Variants in ZNF346 observed in about 807,000 individuals in gnomAD.
The protein encoded by ZNF346 is zinc finger protein 346.
Under a neutral mutation model 33.7 loss-of-function variants are expected in ZNF346, and 23 were observed. The ratio of observed to expected loss-of-function variants is 0.68; its 90% CI spans 0.49 to 0.97. The LOEUF is 0.97. ZNF346 is among the 50% of genes least tolerant of loss of function. The pLI is 0.00. For synonymous variants in ZNF346, 134 were observed against 142.4 expected, an observed-to-expected ratio of 0.94 and a Z score of 0.42; for missense variants, 340 against 371.1, an observed-to-expected ratio of 0.92 and a Z score of 0.69.
At chr5:177,069,724 T>TCTCA (rs143462050), downstream of ZNF346, among the ~76,000 whole-genome samples, 21,512 of 150,560 alleles carry the variant, frequency 0.14, 3,250 homozygotes, top group African/African-American at 0.38. Context: ...AGAGATGGAG[T>TCTCA]CTCTGTTGCC....
intron 1 of ZNF346, among the ~76,000 whole-genome samples, chr5:177,025,174 C>CAA (rs1776583303): frequency 6.6e-6 from 1 of 152,196 alleles, no homozygotes; most frequent in East Asian, 1.9e-4. Flanking sequence ...CTTGGGTAGT[C>CAA]TTTTGAGTTT....
intron 5 of ZNF346, among the ~76,000 whole-genome samples, chr5:177,056,987 T>C (rs1781772499): frequency 6.6e-6 from 1 of 152,232 alleles, no homozygotes; most frequent in Non-Finnish European, 1.5e-5. Context: ...TTATTTCAAG[T>C]TTTTAAATAC....
intron 5 of ZNF346, among the ~76,000 whole-genome samples, chr5:177,057,547 G>A (rs939032756): frequency 6.6e-5 from 10 of 151,854 alleles, no homozygotes; most frequent in African/African-American, 2.4e-4. Context: ...CACCAGCCTG[G>A]TCAACATGCA....
chr5:177,030,645 C>T (rs1777546274), intron 1 of ZNF346, among the ~76,000 whole-genome samples: 1 of 151,912 alleles, frequency 6.6e-6, no homozygotes, highest in Non-Finnish European at 1.5e-5. Flanking sequence ...ACGTAAATCT[C>T]ACATTCCATA....
intron 1 of ZNF346, among the ~76,000 whole-genome samples, chr5:177,031,961 A>C (rs1777762005): frequency 7.0e-6 from 1 of 142,124 alleles, no homozygotes; most frequent in African/African-American, 2.6e-5. Flanking sequence ...GATCATCAGT[A>C]CCCTTACATT....
At chr5:177,045,998 T>C (rs1225077516) in intron 4 of ZNF346, among the ~76,000 whole-genome samples, 2 of 151,996 alleles carry the variant, frequency 1.3e-5, no homozygotes, top group Non-Finnish European at 2.9e-5. Flanking sequence ...TAATGTGTAT[T>C]AAAAACACAG....
At chr5:177,030,476 G>A (rs113516381) in intron 1 of ZNF346, among the ~76,000 whole-genome samples, 6,669 of 151,944 alleles carry the variant, frequency 0.044, 206 homozygotes, top group South Asian at 0.063. Context: ...AAAATTAGCC[G>A]GGCATGGTGG....
At chr5:177,051,396 C>G (rs1328005915) in intron 5 of ZNF346, among the ~76,000 whole-genome samples, 1 of 151,766 alleles carries the variant, frequency 6.6e-6, no homozygotes, top group Non-Finnish European at 1.5e-5. Context: ...AGGATGGTCT[C>G]GATCTCCTGA....
intron 5 of ZNF346, among the ~76,000 whole-genome samples, chr5:177,058,902 G>A (rs192872943): frequency 6.6e-6 from 1 of 152,246 alleles, no homozygotes; most frequent in Admixed American, 6.5e-5. Flanking sequence ...AAGAATTTAG[G>A]TGTTTTTGTT....
intron 1 of ZNF346, among the ~76,000 whole-genome samples, chr5:177,025,924 T>TA (rs1489484357): frequency 6.6e-6 from 1 of 152,132 alleles, no homozygotes; most frequent in African/African-American, 2.4e-5. Context: ...TTTAGTGTCA[T>TA]ATCTAAGAAC....
intron 1 of ZNF346, among the ~76,000 whole-genome samples, chr5:177,028,398 G>A (rs1777130950): frequency 6.7e-6 from 1 of 149,144 alleles, no homozygotes; most frequent in Admixed American, 6.7e-5. Flanking sequence ...AGTTTCTAAG[G>A]TAAGATCTTA....
chr5:177,048,439 T>C (rs1312019934), intron 4 of ZNF346, among the ~76,000 whole-genome samples: 2 of 152,098 alleles, frequency 1.3e-5, no homozygotes, highest in African/African-American at 4.8e-5. Context: ...CTGACCAACA[T>C]GGAGAAACCC....
chr5:177,069,179 A>G (rs191641865), downstream of ZNF346, among the ~76,000 whole-genome samples: 662 of 142,214 alleles, frequency 4.7e-3, 30 homozygotes, highest in Middle Eastern at 7.1e-3. Flanking sequence ...TTTTTCAGCC[A>G]GGCGCAGTGG....
downstream of ZNF346, among the ~76,000 whole-genome samples, chr5:177,071,888 A>T (rs993279568): frequency 3.9e-5 from 6 of 152,154 alleles, no homozygotes; most frequent in Admixed American, 2.6e-4. Context: ...TTACAGAGAC[A>T]GGGCAGACCC....
chr5:177,041,572 A>G (rs1333838548), intron 2 of ZNF346, among the ~76,000 whole-genome samples: 1 of 152,200 alleles, frequency 6.6e-6, no homozygotes. Context: ...TAAAATAGAA[A>G]TGGTCATAAT....
intron 6 of ZNF346, among the ~76,000 whole-genome samples, chr5:177,063,410 C>T (rs758338024): frequency 6.6e-6 from 1 of 152,208 alleles, no homozygotes; most frequent in Non-Finnish European, 1.5e-5. Flanking sequence ...GGAGTCTCCT[C>T]TCTCACACTG....
intron 8 of ZNF346, among the ~76,000 whole-genome samples, chr5:177,076,736 C>T (rs1656073186): frequency 6.6e-6 from 1 of 152,184 alleles, no homozygotes; most frequent in Non-Finnish European, 1.5e-5. Flanking sequence ...GTTTTCTTTA[C>T]TGTGCTTTAA....
intron 1 of ZNF346, 185 bp downstream of exon 1, chr5:177,023,098 G>A (rs557761122): frequency 6.8e-7 from 1 of 1,459,870 alleles, no homozygotes; most frequent in South Asian, 1.2e-5. Flanking sequence ...CGCGCTGAGG[G>A]TGAAGGGCCG....
At chr5:177,054,313 C>T (rs1781377959) in intron 5 of ZNF346, among the ~76,000 whole-genome samples, 1 of 152,052 alleles carries the variant, frequency 6.6e-6, no homozygotes, top group Admixed American at 6.6e-5. Flanking sequence ...TCAAGCGATC[C>T]ACCCACCTTG....
Sources: gnomAD v4.1 joint callset for allele counts (sites outside exome capture counted in the v4.1 genomes callset) on GRCh38, gnomAD v4.1.1 for gene constraint, MANE v1.5 for transcripts, NCBI Gene and HGNC (gene_info 2026-07-23, HGNC 2026-07-21) for gene names.